KRT24: variants seen among roughly 807,000 people sequenced by gnomAD.
The protein encoded by KRT24 is keratin, type I cytoskeletal 24.
Under a neutral mutation model 51.7 loss-of-function variants are expected in KRT24, and 44 were observed. That is an observed-to-expected ratio of 0.85 (90% CI 0.67 to 1.09). KRT24 has a LOEUF of 1.09. KRT24 is among the 50% of genes least tolerant of loss of function. The pLI is 0.00. For synonymous variants in KRT24, 241 were observed against 249.5 expected, an observed-to-expected ratio of 0.97 and a Z score of 0.32; for missense variants, 633 against 647.0, an observed-to-expected ratio of 0.98 and a Z score of 0.24.
chr17:40,699,455 A>C lies in KRT24; in HGVS notation c.1350T>G (p.Asp450Glu). The C allele has an allele frequency of 6.2e-7, 1 of 1,613,662 alleles. No homozygotes were observed. The highest frequency in any genetic ancestry group is 8.5e-7 in the Non-Finnish European group (1 of 1,179,794). ...VEIETYRRLL[D>E]GEGGGSSFAE... ...TGACTTTGGTTTACCCTCCCTCTCCATCGAGCAGGCGGCGGTAGGTCTCGA... is the reference window on the plus strand; with the variant it reads ...TGACTTTGGTTTACCCTCCCTCTCCCTCGAGCAGGCGGCGGTAGGTCTCGA... The change falls in exon 6 of 8, where the codon GAT becomes GAG. Residue 450 changes from aspartate to glutamate, a missense_variant. Coordinates refer to ENST00000264651, the MANE Select transcript of KRT24 (RefSeq NM_019016.3).
At chr17:40,698,875 ATT>A (rs11315622) in intron 6 of KRT24, among the ~76,000 whole-genome samples, 5,091 of 130,904 alleles carry the variant, frequency 0.039, 272 homozygotes, top group Admixed American at 0.17. Flanking sequence ...TGCCCAGCTA[ATT>A]TTTTTTTTTT....
chr17:40,702,363 G>A (rs149100507), intron 1 of KRT24, among the ~76,000 whole-genome samples: 1 of 152,106 alleles, frequency 6.6e-6, no homozygotes, highest in Admixed American at 6.6e-5. Flanking sequence ...TTTTAAAGGT[G>A]ACTTGCTTTG....
In KRT24 at chr17:40,703,158, T is replaced by C. The variant is rs1446008732; in HGVS notation, c.536A>G (p.Tyr179Cys). The change falls in exon 1 of 8, where the codon TAT becomes TGT. Residue 179 changes from tyrosine (Y) to cysteine (C), a missense_variant. Coordinates refer to ENST00000264651, the MANE Select transcript of KRT24 (RefSeq NM_019016.3). ...ENKIKEWYDK[Y>C]GPGSGDGGSG... Reference sequence around the variant, plus strand: ...TCCACCGTCTCCAGACCCAGGCCCATATTTGTCATACCACTCCTTGATTTT... The same window carrying C: ...TCCACCGTCTCCAGACCCAGGCCCACATTTGTCATACCACTCCTTGATTTT... The C allele has an allele frequency of 6.2e-7, 1 of 1,614,158 alleles. No individual in the cohort carries two copies. The highest frequency in any genetic ancestry group is 8.5e-7 in the Non-Finnish European group (1 of 1,179,996).
In KRT24 at chr17:40,700,101, AT is replaced by A; in HGVS notation, c.1039del (p.Ile347SerfsTer15). The A allele has an allele frequency of 6.2e-7, 1 of 1,614,070 alleles. No homozygotes were observed. The highest frequency in any genetic ancestry group is 8.5e-7 in the Non-Finnish European group (1 of 1,180,016). ...NKQSASLQAQ[I>X]STDAGAATSA... ...AGTGGCTGCCCCAGCATCAGTGGAG[AT>A]TTGTGCTTGTAGTGATGCGCTCTAA... On this transcript the variant is annotated frameshift_variant, in exon 5 of 8. Coordinates refer to ENST00000264651, the MANE Select transcript of KRT24 (RefSeq NM_019016.3). LOFTEE classifies it high-confidence loss of function.
chr17:40,702,276 A>G (rs1175198140), intron 1 of KRT24, among the ~76,000 whole-genome samples: 4 of 152,068 alleles, frequency 2.6e-5, no homozygotes, highest in Non-Finnish European at 5.9e-5. Context: ...CCTGACCTCA[A>G]GTGATTTGCC....
At position 40,698,150 on chromosome 17, in the gene KRT24, A is replaced by G. The variant is rs2037627125; in HGVS notation, c.*87T>C. On this transcript the variant is annotated 3_prime_UTR_variant, in exon 8 of 8. Transcript: ENST00000264651. ...AAGCTTTTCCTGAAATTATCCAGAA[A>G]GATGCCTAGATTGATGCCATTTCTT... 1 of 825,822 alleles carries G rather than the reference A, an allele frequency of 1.2e-6. No homozygotes were observed. 51.2% of individuals were successfully genotyped at this position (825,822 alleles called of 1,614,324 possible).
intron 7 of KRT24, 45 bp from the exon 8 acceptor site, chr17:40,698,385 A>C (rs1227205457): frequency 1.5e-6 from 2 of 1,336,454 alleles, no homozygotes; most frequent in Admixed American, 3.4e-5. Flanking sequence ...ACTCTCACAG[A>C]AACACAGAGC....
Position 40,703,588 on chromosome 17 carries a change from C to T in KRT24, c.106G>A (p.Gly36Arg), listed in dbSNP as rs763491052. ...CGGAAGCCCTGGGCCGAGCTGCCCCCCAGACCACATCTGCTTCCACTGCTG... is the reference window on the plus strand; with the variant it reads ...CGGAAGCCCTGGGCCGAGCTGCCCCTCAGACCACATCTGCTTCCACTGCTG... ...SFSSGSRCGL[G>R]GSSAQGFRGG... Residue 36 changes from glycine (G) to arginine (R), a missense_variant, in exon 1 of 8, where the codon GGG becomes AGG. Gly to Arg is a moderately radical substitution (Grantham distance 125). Transcript: ENST00000264651. 19 of 1,613,360 alleles carry T rather than the reference C, an allele frequency of 1.2e-5. No individual in the cohort carries two copies. Among genetic ancestry groups the T allele is most frequent in the Non-Finnish European group, 1.5e-5 (18 of 1,179,832 alleles).
Position 40,701,154 on chromosome 17 carries a change from TC to T in KRT24, c.840del (p.Lys281ArgfsTer7). The T allele has an allele frequency of 1.2e-6, 2 of 1,613,952 alleles. No individual in the cohort carries two copies. Among genetic ancestry groups the T allele is most frequent in the Middle Eastern group, 3.3e-4 (2 of 6,062 alleles). ...CATGTTCCTACCTCCTCGTGGTTCT[TC>T]CTCAGGTAGGCTAGCTCCTCGGTGA... is the stretch of plus-strand genomic sequence containing the variant. ...ESFTEELAYL[R>X]KNHEEEMKNM... On this transcript the variant is annotated frameshift_variant, in exon 3 of 8. Coordinates refer to ENST00000264651, the MANE Select transcript of KRT24 (RefSeq NM_019016.3). LOFTEE classifies it high-confidence loss of function.
rs1408827362 is a variant in KRT24, at chr17:40,700,220, A to C, written c.1017+2T>G. The C allele has an allele frequency of 6.2e-7, 1 of 1,613,630 alleles. No homozygotes were observed. Among genetic ancestry groups the C allele is most frequent in the South Asian group, 1.1e-5 (1 of 91,016 alleles). On this transcript the variant is annotated splice_donor_variant, in intron 4 of 7. Coordinates refer to ENST00000264651, the MANE Select transcript of KRT24 (RefSeq NM_019016.3). LOFTEE classifies it high-confidence loss of function. ...CTTAGGTGCTCAGCAGAGAGGATCT[A>C]CCTGCTTGTTGAACCGCTCCTCAGC... is the stretch of plus-strand genomic sequence containing the variant.
intron 2 of KRT24, 121 bp from the exon 3 acceptor site, chr17:40,701,417 G>T: frequency 1.5e-6 from 1 of 679,876 alleles, no homozygotes; most frequent in Middle Eastern, 4.1e-4. Context: ...ATAAATAAAG[G>T]TTATTAAGTT....
Position 40,703,293 on chromosome 17 carries a change from C to A in KRT24, c.401G>T (p.Gly134Val), listed in dbSNP as rs200920389. The change falls in exon 1 of 8, where the codon GGG (glycine) becomes GTG (valine). Residue 134 changes from glycine to valine, a missense_variant. Gly to Val is a moderately radical substitution (Grantham distance 109). Transcript: ENST00000264651. ...TTGCTTTTCCCCTCCAGAGAAAAGC[C>A]CCCCATCGCCAACACCACCTCCCAT... Reference protein sequence around the residue: ...GGMGGGVGDGGLFSGGEKQTM... With the variant: ...GGMGGGVGDGVLFSGGEKQTM... The A allele has an allele frequency of 6.2e-7, 1 of 1,613,962 alleles. No individual in the cohort carries two copies. The highest frequency in any genetic ancestry group is 1.7e-5 in the Admixed American group (1 of 60,004).
At chr17:40,700,721 G>A (rs1247267786) in intron 3 of KRT24, among the ~76,000 whole-genome samples, 1 of 152,060 alleles carries the variant, frequency 6.6e-6, no homozygotes, top group Non-Finnish European at 1.5e-5. Context: ...AGCCTCCTGA[G>A]TAGCTGGGAT....
chr17:40,702,601 CA>C (rs35562846), intron 1 of KRT24, among the ~76,000 whole-genome samples: 2 of 152,042 alleles, frequency 1.3e-5, no homozygotes, highest in African/African-American at 2.4e-5. Flanking sequence ...ATTTCACTTC[CA>C]AAAAAGTCTT....
intron 6 of KRT24, 90 bp from the exon 7 acceptor site, chr17:40,698,740 GATGTGTTT>G: frequency 1.3e-6 from 1 of 741,962 alleles, no homozygotes; most frequent in Non-Finnish European, 2.4e-6. Context: ...TGAAGTTTTG[GATGTGTTT>G]ATGTGTTTTA....
intron 1 of KRT24, among the ~76,000 whole-genome samples, chr17:40,702,608 GTCTTTAA>G (rs2037696489): frequency 6.6e-6 from 1 of 152,102 alleles, no homozygotes; most frequent in Non-Finnish European, 1.5e-5. Flanking sequence ...TTCCAAAAAA[GTCTTTAA>G]AAATATATTT....
At chr17:40,702,137 T>C (rs913131651) in intron 1 of KRT24, among the ~76,000 whole-genome samples, 2 of 152,026 alleles carry the variant, frequency 1.3e-5, no homozygotes, top group East Asian at 3.9e-4. Context: ...GTTTAAGCGA[T>C]TCTTGAGCCT....
At position 40,703,346 on chromosome 17, in the gene KRT24, A is replaced by C. The variant is rs1359647418; in HGVS notation, c.348T>G (p.Thr116=). 6.2e-7 allele frequency: 1 copy of C among 1,614,088 alleles called. No individual in the cohort carries two copies. Among genetic ancestry groups the C allele is most frequent in the East Asian group, 2.2e-5 (1 of 44,870 alleles). The change falls in exon 1 of 8, where the codon ACT becomes ACG. Residue 116 remains threonine, a synonymous_variant. Transcript: ENST00000264651. ...CGSSRFSSGA[T]GGFYSYGGGM... ...CACCACCATAGCTGTAGAAGCCTCC[A>C]GTAGCACCACTGCTGAATCTAGAAC...
intron 1 of KRT24, 88 bp from the exon 2 acceptor site, chr17:40,702,021 T>C: frequency 1.8e-6 from 1 of 551,506 alleles, no homozygotes; most frequent in Admixed American, 2.7e-5. Context: ...GTTGCCTGTG[T>C]TATTAGCTCT....
Sources: allele counts gnomAD v4.1 joint callset (sites outside exome capture counted in the v4.1 genomes callset), GRCh38; gene constraint gnomAD v4.1.1; transcripts MANE v1.5; gene names NCBI Gene and HGNC (gene_info 2026-07-23, HGNC 2026-07-21).